The following STXBP5L variants were observed in gnomAD, a reference collection of about 807,000 sequenced individuals.
STXBP5L encodes syntaxin binding protein 5L.
Under a neutral mutation model 144.5 loss-of-function variants are expected in STXBP5L, and 65 were observed. That is an observed-to-expected ratio of 0.45 (90% confidence interval 0.37 to 0.55). The LOEUF is 0.55. STXBP5L is among the 20% of genes least tolerant of loss of function. STXBP5L has a pLI of 0.00. For missense variants in STXBP5L, 1,298 were observed against 1,405.5 expected (o/e 0.92, Z 1.22); for synonymous variants, 505 against 469.6 (o/e 1.08, Z -0.97).
In STXBP5L at chr3:121,077,998, T is replaced by C. The variant is rs61795507; in HGVS notation, c.470+32463T>C. Among the ~76,000 whole-genome samples the C allele has an allele frequency of 3.9e-5, 6 of 152,246 alleles. No individual in the cohort carries two copies. The South Asian group carries it at 1.2e-3, about 32-fold the overall frequency. ...AGATACAGAGTGTCGATTGGTACAT[T>C]CACAAACCCTGAGCTAGACACAGGG... On this transcript the variant is annotated intron_variant, in intron 5 of 26. Transcript: ENST00000471454.
chr3:121,267,690 CA>C (rs1198740591), intron 18 of STXBP5L, among the ~76,000 whole-genome samples: 2 of 151,978 alleles, frequency 1.3e-5, no homozygotes, highest in Non-Finnish European at 2.9e-5. Flanking sequence ...CTAGAATCTA[CA>C]AAGAACTTTA....
chr3:121,250,605 TA>T (rs2049998225), intron 14 of STXBP5L, 117 bp from the exon 15 acceptor site: 1 of 809,838 alleles, frequency 1.2e-6, no homozygotes, highest in African/African-American at 1.8e-5. Context: ...TAGTTTTCAT[TA>T]AAGTGGTATT....
At chr3:120,912,380 A>T (rs1708886809) in intron 2 of STXBP5L, among the ~76,000 whole-genome samples, 1 of 152,006 alleles carries the variant, frequency 6.6e-6, no homozygotes, top group Non-Finnish European at 1.5e-5. Context: ...AAACAAAAAA[A>T]TGTGGCAACT....
chr3:121,323,226 C>A (rs2044033974), intron 20 of STXBP5L, among the ~76,000 whole-genome samples: 1 of 152,066 alleles, frequency 6.6e-6, no homozygotes, highest in Non-Finnish European at 1.5e-5. Flanking sequence ...GTTTTTGTTG[C>A]AATTGTTTTT....
intron 5 of STXBP5L, among the ~76,000 whole-genome samples, chr3:121,103,367 A>G (rs924602132): frequency 1.3e-5 from 2 of 152,194 alleles, no homozygotes; most frequent in Non-Finnish European, 2.9e-5. Context: ...CATAAAGAAA[A>G]TGAAGTCATG....
chr3:121,010,022 A>T (rs990883024), intron 3 of STXBP5L, among the ~76,000 whole-genome samples: 4 of 151,872 alleles, frequency 2.6e-5, no homozygotes, highest in African/African-American at 9.7e-5. Flanking sequence ...ACTTCATCTG[A>T]TATTACAAGT....
At chr3:121,350,362 C>G (rs896726264) in intron 20 of STXBP5L, among the ~76,000 whole-genome samples, 5 of 152,106 alleles carry the variant, frequency 3.3e-5, no homozygotes, top group Non-Finnish European at 5.9e-5. Context: ...TTGTGGGTAA[C>G]CCGACCTTTG....
At chr3:121,162,802 C>A (rs2046369271) in intron 9 of STXBP5L, among the ~76,000 whole-genome samples, 1 of 152,074 alleles carries the variant, frequency 6.6e-6, no homozygotes, top group Non-Finnish European at 1.5e-5. Context: ...ATTCATGCAA[C>A]CAACAAATAT....
intron 10 of STXBP5L, among the ~76,000 whole-genome samples, chr3:121,214,869 A>T (rs1033609338): frequency 3.9e-5 from 6 of 152,088 alleles, no homozygotes; most frequent in Admixed American, 1.3e-4. Flanking sequence ...CTAAGAACTT[A>T]CTTTATGAAT....
intron 2 of STXBP5L, among the ~76,000 whole-genome samples, chr3:120,939,454 T>C (rs879821643): frequency 1.3e-5 from 2 of 152,154 alleles, no homozygotes; most frequent in Admixed American, 6.6e-5. Flanking sequence ...GCTCAAAATG[T>C]TCCCCCTCCC....
At position 121,121,621 on chromosome 3, in the gene STXBP5L, G is replaced by T. The variant is rs984079619; in HGVS notation, c.606-20G>T. The T allele has an allele frequency of 6.3e-7, 1 of 1,575,282 alleles. No homozygotes were observed. Among genetic ancestry groups the T allele is most frequent in the Non-Finnish European group, 8.7e-7 (1 of 1,151,490 alleles). On this transcript the variant is annotated intron_variant, in intron 6 of 26. Coordinates refer to ENST00000471454, the MANE Select transcript of STXBP5L (RefSeq NM_001308330.2). The stretch of plus-strand genomic sequence containing the variant: ...TTTTAATGTTTGGTTTTTAATTACT[G>T]TTTTGAATTGATTTAACAGATCCAC...
chr3:121,093,086 A>G (rs2042905204), intron 5 of STXBP5L, among the ~76,000 whole-genome samples: 1 of 152,138 alleles, frequency 6.6e-6, no homozygotes, highest in African/African-American at 2.4e-5. Context: ...ATTGATTTGC[A>G]TATATCGAAC....
At chr3:121,059,154 G>A (rs1297556092) in intron 5 of STXBP5L, among the ~76,000 whole-genome samples, 1 of 152,162 alleles carries the variant, frequency 6.6e-6, no homozygotes, top group African/African-American at 2.4e-5. Flanking sequence ...TTTGTATAAG[G>A]TGTAAGGAAG....
chr3:121,035,198 A>G (rs1046538396), intron 3 of STXBP5L, among the ~76,000 whole-genome samples: 1 of 152,078 alleles, frequency 6.6e-6, no homozygotes, highest in Non-Finnish European at 1.5e-5. Context: ...CTTTGTTGTC[A>G]GAAGGTTTTA....
At chr3:120,974,360 A>C (rs1464213957) in intron 3 of STXBP5L, among the ~76,000 whole-genome samples, 2 of 151,872 alleles carry the variant, frequency 1.3e-5, no homozygotes, top group Non-Finnish European at 2.9e-5. Flanking sequence ...GTGTCTGTTC[A>C]TGTCCTTCGC....
At chr3:120,916,228 A>C (rs9862685) in intron 2 of STXBP5L, among the ~76,000 whole-genome samples, 15,129 of 152,236 alleles carry the variant, frequency 0.099, 1,186 homozygotes, top group Admixed American at 0.2. Context: ...GATGCTATAT[A>C]ATCAATATAA....
At chr3:121,008,115 G>T (rs1287457075) in intron 3 of STXBP5L, among the ~76,000 whole-genome samples, 2 of 151,788 alleles carry the variant, frequency 1.3e-5, no homozygotes, top group African/African-American at 2.4e-5. Flanking sequence ...GGCCTTTTCT[G>T]GGTGTCAGAG....
At chr3:121,369,814 C>A (rs1045574730) in intron 20 of STXBP5L, among the ~76,000 whole-genome samples, 2 of 152,054 alleles carry the variant, frequency 1.3e-5, no homozygotes, top group Non-Finnish European at 2.9e-5. Flanking sequence ...GGTTATGTGT[C>A]TTGGGGATGG....
intron 3 of STXBP5L, among the ~76,000 whole-genome samples, chr3:121,039,424 A>G (rs1235856118): frequency 1.3e-5 from 2 of 151,804 alleles, no homozygotes; most frequent in African/African-American, 4.8e-5. Context: ...TTACTTCTAC[A>G]TACGTTATAA....
Sources: gnomAD v4.1 joint callset for allele counts (sites outside exome capture counted in the v4.1 genomes callset) on GRCh38, gnomAD v4.1.1 for gene constraint, MANE v1.5 for transcripts, NCBI Gene and HGNC (gene_info 2026-07-23, HGNC 2026-07-21) for gene names.